PPP1R3A: variants seen among roughly 807,000 people sequenced by gnomAD.
PPP1R3A encodes RG1.
Under a neutral mutation model 41.7 loss-of-function variants are expected in PPP1R3A, and 29 were observed. The observed-to-expected ratio is 0.70, with a 90% CI of 0.52 to 0.95. PPP1R3A has a LOEUF of 0.95. Among genes scored for constraint, PPP1R3A ranks in the 40% least tolerant of loss-of-function variants. The pLI, the probability that PPP1R3A is intolerant of heterozygous loss-of-function variation, is 0.00. For synonymous variants in PPP1R3A, 485 were observed against 453.4 expected (o/e 1.07, Z -0.89); for missense variants, 1,352 against 1,292.4 (o/e 1.05, Z -0.71).
In PPP1R3A at chr7:113,878,592, T is replaced by C; in HGVS notation, c.2500A>G (p.Arg834Gly). 6.2e-7 allele frequency: 1 copy of C among 1,613,616 alleles called. No homozygotes were observed. The highest frequency in any genetic ancestry group is 8.5e-7 in the Non-Finnish European group (1 of 1,179,694). Residue 834 changes from arginine to glycine, a missense_variant, in exon 4 of 4, where the codon AGG becomes GGG. Coordinates refer to ENST00000284601, the MANE Select transcript of PPP1R3A (RefSeq NM_002711.4). The stretch of plus-strand genomic sequence containing the variant: ...ATATTTCCAGTGCCACATTTCTCCC[T>C]GTCATGTGTCTTCCTAGGATTGTAC... ...SMYNPRKTHDREKCGTGNITS... is the reference protein window; with the variant it reads ...SMYNPRKTHDGEKCGTGNITS...
At chr7:113,881,176 A>G (rs1207009171) in intron 3 of PPP1R3A, among the ~76,000 whole-genome samples, 2 of 152,096 alleles carry the variant, frequency 1.3e-5, no homozygotes, top group Non-Finnish European at 2.9e-5. Context: ...AGTAAATTGC[A>G]TACTTTAGTG....
At position 113,878,843 on chromosome 7, in the gene PPP1R3A, G is replaced by A; in HGVS notation, c.2249C>T (p.Ala750Val). 6.2e-7 allele frequency: 1 copy of A among 1,613,184 alleles called. No homozygotes were observed. Among genetic ancestry groups the A allele is most frequent in the Non-Finnish European group, 8.5e-7 (1 of 1,179,726 alleles). The change falls in exon 4 of 4, where the codon GCA becomes GTA. Residue 750 changes from alanine (A) to valine (V), a missense_variant. Physicochemically the swap from Ala to Val is moderately conservative, Grantham distance 64. Coordinates refer to ENST00000284601, the MANE Select transcript of PPP1R3A (RefSeq NM_002711.4). ...TPESMSAREKAIIAKLPQETA... is the reference protein window; with the variant it reads ...TPESMSAREKVIIAKLPQETA... ...CTCTTGAGGTAGCTTAGCAATTATT[G>A]CTTTTTCTCTAGCAGACATGCTTTC...
At chr7:113,881,736 CA>C (rs1177832780) in intron 3 of PPP1R3A, among the ~76,000 whole-genome samples, 1 of 151,968 alleles carries the variant, frequency 6.6e-6, no homozygotes, top group Non-Finnish European at 1.5e-5. Flanking sequence ...ACACTTGTCA[CA>C]AAGATTAGAA....
intron 1 of PPP1R3A, among the ~76,000 whole-genome samples, chr7:113,893,491 T>C (rs1320863783): frequency 1.3e-5 from 2 of 151,990 alleles, no homozygotes; most frequent in Admixed American, 6.6e-5. Flanking sequence ...ATTTTATTTA[T>C]GGCAAAGAAA....
chr7:113,889,027 T>A (rs1391100864), intron 1 of PPP1R3A, among the ~76,000 whole-genome samples: 1 of 152,176 alleles, frequency 6.6e-6, no homozygotes, highest in Admixed American at 6.6e-5. Context: ...AGGCCCTACC[T>A]CTATAAAATC....
At position 113,879,329 on chromosome 7, in the gene PPP1R3A, T is replaced by C; in HGVS notation, c.1763A>G (p.Asn588Ser). ...TAACACAGCTTCTTCCCAACTTAAA[T>C]TTGTCCTTGGTGAATGAGACACATC... is the stretch of plus-strand genomic sequence containing the variant. ...TADVSHSPRT[N>S]LSWEEAVLTP... Residue 588 changes from asparagine (N) to serine (S), a missense_variant, in exon 4 of 4, where the codon AAT (asparagine) becomes AGT (serine). Transcript: ENST00000284601. 1 of 1,613,580 alleles carries C rather than the reference T, an allele frequency of 6.2e-7. No homozygotes were observed. Among genetic ancestry groups the C allele is most frequent in the Non-Finnish European group, 8.5e-7 (1 of 1,179,706 alleles).
At chr7:113,909,990 C>T (rs552018143) in intron 1 of PPP1R3A, among the ~76,000 whole-genome samples, 2 of 152,200 alleles carry the variant, frequency 1.3e-5, no homozygotes, top group South Asian at 4.1e-4. Flanking sequence ...CTTACAGTTT[C>T]ACTTGGCTGG....
At chr7:113,885,932 A>G (rs947726316) in intron 1 of PPP1R3A, among the ~76,000 whole-genome samples, 2 of 149,260 alleles carry the variant, frequency 1.3e-5, no homozygotes, top group African/African-American at 4.9e-5. Flanking sequence ...TGTATAATTT[A>G]TATATAACTA....
rs1459821538 is a variant in PPP1R3A at position 113,878,051 on chromosome 7, A to T, written c.3041T>A (p.Ile1014Asn). 2 of 1,613,244 alleles carry T rather than the reference A, an allele frequency of 1.2e-6. No homozygotes were observed. The highest frequency in any genetic ancestry group is 1.1e-5 in the South Asian group (1 of 91,068). ...TTCCATATTCTCAAGAGGTTTGTTG[A>T]TTAAAATCATTGGCCCTAGAGATTT... ...VEKSLGPMIL[I>N]NKPLENMEEA... The change falls in exon 4 of 4, where the codon ATC becomes AAC. Residue 1014 changes from isoleucine to asparagine, a missense_variant. Transcript: ENST00000284601.
At chr7:113,915,217 G>A (rs1005280923) in intron 1 of PPP1R3A, among the ~76,000 whole-genome samples, 8 of 151,996 alleles carry the variant, frequency 5.3e-5, no homozygotes, top group African/African-American at 1.9e-4. Context: ...CACCAATGTG[G>A]AGATTTGCAA....
chr7:113,891,082 A>T (rs1184198331), intron 1 of PPP1R3A, among the ~76,000 whole-genome samples: 26 of 126,934 alleles, frequency 2.0e-4, no homozygotes, highest in African/African-American at 7.5e-4. Context: ...GTGGAAAAAA[A>T]GCAAAAAAAA....
chr7:113,899,791 T>C (rs1797033903), intron 1 of PPP1R3A, among the ~76,000 whole-genome samples: 1 of 151,832 alleles, frequency 6.6e-6, no homozygotes, highest in South Asian at 2.1e-4. Flanking sequence ...GTTTGCTATG[T>C]GCAGCCAATT....
Position 113,877,838 on chromosome 7 carries a change from A to G in PPP1R3A, c.3254T>C (p.Phe1085Ser). The change falls in exon 4 of 4, where the codon TTT becomes TCT. Residue 1085 changes from phenylalanine (F) to serine (S), a missense_variant. Coordinates refer to ENST00000284601, the MANE Select transcript of PPP1R3A (RefSeq NM_002711.4). ...KIPYFLLFLIFLITVYHYDLM... is the reference protein window; with the variant it reads ...KIPYFLLFLISLITVYHYDLM... ...GTCATAATGGTAGACAGTTATAAGA[A>G]ATATCAGAAACAAAAGGAAATAAGG... 3 of 1,609,784 alleles carry G rather than the reference A, an allele frequency of 1.9e-6. No individual in the cohort carries two copies. The highest frequency in any genetic ancestry group is 2.5e-6 in the Non-Finnish European group (3 of 1,176,566).
At chr7:113,908,520 A>C (rs906687018) in intron 1 of PPP1R3A, among the ~76,000 whole-genome samples, 11 of 152,042 alleles carry the variant, frequency 7.2e-5, no homozygotes, top group Non-Finnish European at 1.5e-4. Context: ...AAAATTATAC[A>C]TACACACAAA....
Position 113,878,222 on chromosome 7 carries a change from G to A in PPP1R3A, c.2870C>T (p.Thr957Ile), listed in dbSNP as rs1267151157. ...CTTCTCAATACCCTGGATTTCTCTT[G>A]TTGAATTACAAATATTTTCTGATTT... is the stretch of plus-strand genomic sequence containing the variant. The part of the protein sequence containing the change: ...STKSENICNS[T>I]REIQGIEKHP... Residue 957 changes from threonine (T) to isoleucine (I), a missense_variant, in exon 4 of 4, where the codon ACA becomes ATA. Coordinates refer to ENST00000284601, the MANE Select transcript of PPP1R3A (RefSeq NM_002711.4). 2 of 1,613,206 alleles carry A rather than the reference G, an allele frequency of 1.2e-6. No individual in the cohort carries two copies. The highest frequency in any genetic ancestry group is 1.1e-5 in the South Asian group (1 of 91,070).
At chr7:113,911,250 AT>A (rs1354800777) in intron 1 of PPP1R3A, among the ~76,000 whole-genome samples, 2 of 152,052 alleles carry the variant, frequency 1.3e-5, no homozygotes, top group Non-Finnish European at 2.9e-5. Context: ...ACCAGTTGTT[AT>A]TTTTATTTAA....
intron 1 of PPP1R3A, among the ~76,000 whole-genome samples, chr7:113,917,321 T>C (rs1367521440): frequency 1.3e-5 from 2 of 152,032 alleles, no homozygotes; most frequent in Admixed American, 1.3e-4. Context: ...ACTTTCCCTC[T>C]GGGATACTGA....
Position 113,885,791 on chromosome 7 carries a change from A to G in PPP1R3A, c.783-3471T>C, listed in dbSNP as rs545169626. Among the ~76,000 whole-genome samples the G allele has an allele frequency of 2.0e-5, 3 of 150,176 alleles. 1 individual carries two copies. Among genetic ancestry groups the G allele is most frequent in the African/African-American group, 7.3e-5 (3 of 41,138 alleles). On this transcript the variant is annotated intron_variant, in intron 1 of 3. Coordinates refer to ENST00000284601, the MANE Select transcript of PPP1R3A (RefSeq NM_002711.4). ...AAACTACCTATATATGTAAATATAC[A>G]TATACCTATATATGTAAACGACCCT...
chr7:113,903,350 G>A (rs867316577), intron 1 of PPP1R3A, among the ~76,000 whole-genome samples: 1 of 151,618 alleles, frequency 6.6e-6, no homozygotes, highest in African/African-American at 2.4e-5. Context: ...TATAAAAAAT[G>A]ACCTATAGAA....
Sources: gnomAD v4.1 joint callset for allele counts (sites outside exome capture counted in the v4.1 genomes callset) on GRCh38, gnomAD v4.1.1 for gene constraint, MANE v1.5 for transcripts, NCBI Gene and HGNC (gene_info 2026-07-23, HGNC 2026-07-21) for gene names.